Variants in CLINT1 observed in about 807,000 individuals in gnomAD.
CLINT1 encodes the protein clathrin interacting protein localized in the trans-Golgi region.
CLINT1 carries 15 observed loss-of-function variants against 70.4 expected under a neutral mutation model. That is an observed-to-expected ratio of 0.21 (90% CI 0.14 to 0.33). The LOEUF is 0.33. Ranked by LOEUF, CLINT1 falls within the 10% of genes least tolerant of loss-of-function variation. The probability of loss-of-function intolerance (pLI) is 1.00; values close to 1 mark genes in which losing one functional copy is unlikely to be tolerated. For missense variants in CLINT1, 615 were observed against 778.1 expected (o/e 0.79, Z 2.49); for synonymous variants, 227 against 254.7 (o/e 0.89, Z 1.04).
chr5:157,848,375 G>A (rs1753453130), intron 1 of CLINT1, among the ~76,000 whole-genome samples: 1 of 151,536 alleles, frequency 6.6e-6, no homozygotes, highest in Non-Finnish European at 1.5e-5. Context: ...GGGATTACAG[G>A]CGTGAGCCAC....
At chr5:157,829,132 C>T (rs1050025818) in intron 1 of CLINT1, among the ~76,000 whole-genome samples, 1 of 151,640 alleles carries the variant, frequency 6.6e-6, no homozygotes, top group Non-Finnish European at 1.5e-5. Context: ...ACAACAACAA[C>T]AAAAAACACT....
At chr5:157,822,526 T>C (rs762623961) in intron 1 of CLINT1, among the ~76,000 whole-genome samples, 3 of 152,192 alleles carry the variant, frequency 2.0e-5, no homozygotes, top group Non-Finnish European at 4.4e-5. Context: ...ATCAGCAGCA[T>C]GAAAATGGAC....
Position 157,805,934 on chromosome 5 carries a change from G to A in CLINT1, c.874C>T (p.His292Tyr). Residue 292 changes from histidine to tyrosine, a missense_variant, in exon 7 of 12, where the codon CAT (histidine) becomes TAT (tyrosine). By Grantham distance (83) the His-to-Tyr change is moderately conservative (BLOSUM62 2). This residue lies in a region of CLINT1 where 241 missense variants were observed against 368.6 expected (regional missense o/e 0.65). Coordinates refer to ENST00000411809, the MANE Select transcript of CLINT1 (RefSeq NM_014666.4). ...SKTIDLGAAAHYTGDKASPDQ... is the reference protein window; with the variant it reads ...SKTIDLGAAAYYTGDKASPDQ... ...GGACTTGCTTTGTCCCCTGTGTAATGTGCTGCTGCTCCAAGATCAATGGTT... is the reference window on the plus strand; with the variant it reads ...GGACTTGCTTTGTCCCCTGTGTAATATGCTGCTGCTCCAAGATCAATGGTT... 1 of 1,613,952 alleles carries A rather than the reference G, an allele frequency of 6.2e-7. No individual in the cohort carries two copies. The highest frequency in any genetic ancestry group is 8.5e-7 in the Non-Finnish European group (1 of 1,179,882).
chr5:157,809,688 A>T lies in CLINT1; in HGVS notation c.635T>A (p.Ile212Asn), dbSNP rs1379971353. The change falls in exon 6 of 12, where the codon ATT (isoleucine) becomes AAT (asparagine). Residue 212 changes from isoleucine (I) to asparagine (N), a missense_variant. Ile to Asn is a moderately radical substitution (Grantham distance 149, BLOSUM62 -3). Transcript: ENST00000411809. ...CCGGAACTTGCTGATGGTGTCATCA[A>T]TTGTGCTTCCAATTTTATCACTCAG... is the stretch of plus-strand genomic sequence containing the variant. ...GELSDKIGST[I>N]DDTISKFRRK... 7 of 1,613,402 alleles carry T rather than the reference A, an allele frequency of 4.3e-6. No individual in the cohort carries two copies. Among genetic ancestry groups the T allele is most frequent in the Non-Finnish European group, 5.9e-6 (7 of 1,179,620 alleles).
chr5:157,795,354 A>T (rs1762034623), intron 8 of CLINT1: 1 of 164,250 alleles, frequency 6.1e-6, no homozygotes, highest in East Asian at 1.8e-4. Context: ...TTCACAAGAC[A>T]AGTAAATAAA....
chr5:157,825,390 C>G (rs1165422971), intron 1 of CLINT1, among the ~76,000 whole-genome samples: 1 of 152,044 alleles, frequency 6.6e-6, no homozygotes, highest in Non-Finnish European at 1.5e-5. Context: ...ATATTATACC[C>G]TATCTTTTAG....
intron 1 of CLINT1, among the ~76,000 whole-genome samples, chr5:157,819,048 CA>C (rs1187488081): frequency 6.6e-6 from 1 of 152,138 alleles, no homozygotes; most frequent in African/African-American, 2.4e-5. Flanking sequence ...TTTCAGTCAT[CA>C]AAAACTTCTA....
At position 157,794,654 on chromosome 5, in the gene CLINT1, C is replaced by A. The variant is rs570141778; in HGVS notation, c.1087+244G>T. 1.3e-5 allele frequency among the ~76,000 whole-genome samples: 2 copies of A among 152,168 alleles called. 1 individual carries two copies. Among genetic ancestry groups the A allele is most frequent in the South Asian group, 4.2e-4 (2 of 4,818 alleles). ...TCCTTTCCCTTTCAAAAAAGCTAAA[C>A]AAGAGTCACCTATGAATATGGGCAA... On this transcript the variant is annotated intron_variant, in intron 9 of 11. Coordinates refer to ENST00000411809, the MANE Select transcript of CLINT1 (RefSeq NM_014666.4).
At chr5:157,789,699 C>G (rs531172844) in intron 10 of CLINT1, 186 bp from the exon 11 acceptor site, 1 of 725,526 alleles carries the variant, frequency 1.4e-6, no homozygotes, top group East Asian at 2.7e-5. Context: ...TCTTCAATAC[C>G]CTGAATCATT....
chr5:157,801,380 G>A (rs1762215504), intron 8 of CLINT1, among the ~76,000 whole-genome samples: 2 of 152,038 alleles, frequency 1.3e-5, no homozygotes, highest in African/African-American at 4.8e-5. Flanking sequence ...GGTGGCGCAT[G>A]CCTGAAATTC....
intron 1 of CLINT1, among the ~76,000 whole-genome samples, chr5:157,831,313 C>A (rs893079625): frequency 1.3e-5 from 2 of 151,346 alleles, no homozygotes; most frequent in Non-Finnish European, 1.5e-5. Flanking sequence ...TCAGCCTCTG[C>A]GAGTAGCTGG....
At chr5:157,801,231 G>C (rs1762208116) in intron 8 of CLINT1, among the ~76,000 whole-genome samples, 1 of 152,234 alleles carries the variant, frequency 6.6e-6, no homozygotes, top group Non-Finnish European at 1.5e-5. Context: ...GGCTGGCCAG[G>C]CATGGTGGCT....
Position 157,817,457 on chromosome 5 carries a change from C to T in CLINT1, c.132G>A (p.Met44Ile). 6.3e-7 allele frequency: 1 copy of T among 1,597,214 alleles called. No homozygotes were observed. The change falls in exon 2 of 12, where the codon ATG becomes ATA. Residue 44 changes from methionine to isoleucine, a missense_variant. Physicochemically the swap from Met to Ile is conservative, Grantham distance 10 (BLOSUM62 1). Around this residue, in one of 2 missense-constraint regions of CLINT1, gnomAD observed 241 missense variants for 368.6 expected, o/e 0.65. Coordinates refer to ENST00000411809, the MANE Select transcript of CLINT1 (RefSeq NM_014666.4). The part of the protein sequence containing the change: ...DDPWGPSGQL[M>I]GEIAKATFMY... ...TTATCACTTACTTGGCAATCTCTCC[C>T]ATGAGTTGCCCAGAAGGTCCCCAAG...
intron 7 of CLINT1, 83 bp downstream of exon 7, chr5:157,805,783 C>T: frequency 6.6e-7 from 1 of 1,526,046 alleles, no homozygotes; most frequent in Non-Finnish European, 9.0e-7. Context: ...CCTAGAAATG[C>T]CCAAGCCTAC....
chr5:157,796,510 C>T (rs1762071938), intron 8 of CLINT1, among the ~76,000 whole-genome samples: 1 of 152,142 alleles, frequency 6.6e-6, no homozygotes, highest in African/African-American at 2.4e-5. Flanking sequence ...AATGATGGTG[C>T]TTTTAGTGTT....
chr5:157,793,957 C>G (rs375901), intron 9 of CLINT1, among the ~76,000 whole-genome samples: 6,385 of 151,658 alleles, frequency 0.042, 189 homozygotes, highest in Non-Finnish European at 0.07. Context: ...TTTCTCCCTG[C>G]CTCACCTCAT....
At chr5:157,806,961 T>TA (rs1376015217) in intron 6 of CLINT1, among the ~76,000 whole-genome samples, 97 of 110,180 alleles carry the variant, frequency 8.8e-4, no homozygotes, top group Non-Finnish European at 1.5e-3. Context: ...CTGATGTAAG[T>TA]AGGAGAGAGA....
Position 157,791,895 on chromosome 5 carries a change from G to A in CLINT1, c.1188C>T (p.Ala396=). The change falls in exon 10 of 12, where the codon GCC becomes GCT. Residue 396 remains alanine (A), a synonymous_variant. Coordinates refer to ENST00000411809, the MANE Select transcript of CLINT1 (RefSeq NM_014666.4). ...VASSGEFFGS[A]SQPAVELVSG... ...TAACAAGTTCTACCGCTGGCTGTGAGGCACTGCCAAAGAACTCGCCACTGG... is the reference window on the plus strand; with the variant it reads ...TAACAAGTTCTACCGCTGGCTGTGAAGCACTGCCAAAGAACTCGCCACTGG... 6.2e-7 allele frequency: 1 copy of A among 1,613,990 alleles called. No individual in the cohort carries two copies.
At chr5:157,814,825 GA>G (rs1209926525) in intron 3 of CLINT1, among the ~76,000 whole-genome samples, 1 of 151,978 alleles carries the variant, frequency 6.6e-6, no homozygotes, top group East Asian at 1.9e-4. Flanking sequence ...TTGAGGTCAG[GA>G]ATTTAAGACC....
Sources: gnomAD v4.1 joint callset for allele counts (sites outside exome capture counted in the v4.1 genomes callset) on GRCh38, gnomAD v4.1.1 for gene constraint, gnomAD v4.1.1 regional missense constraint, MANE v1.5 for transcripts, NCBI Gene and HGNC (gene_info 2026-07-23, HGNC 2026-07-21) for gene names.